Variants in TMEM132C observed in about 807,000 individuals in gnomAD.
TMEM132C encodes transmembrane protein 132C.
TMEM132C carries 29 observed loss-of-function variants against 61.4 expected under a neutral mutation model. That is an observed-to-expected ratio of 0.47 (90% CI 0.35 to 0.64). The LOEUF (loss-of-function observed/expected upper bound fraction) is 0.64, where lower values mean the gene tolerates loss of function less well. Ranked by LOEUF, TMEM132C falls within the 30% of genes least tolerant of loss-of-function variation. The pLI is 0.00. For synonymous variants in TMEM132C, 656 were observed against 633.1 expected (o/e 1.04, Z -0.54); for missense variants, 1,408 against 1,476.9 (o/e 0.95, Z 0.76).
At chr12:128,429,284 C>T (rs143156510) in intron 2 of TMEM132C, among the ~76,000 whole-genome samples, 1 of 152,264 alleles carries the variant, frequency 6.6e-6, no homozygotes, top group East Asian at 1.9e-4. Flanking sequence ...GCAAGACAGC[C>T]TCCCCACTAA....
intron 3 of TMEM132C, among the ~76,000 whole-genome samples, chr12:128,564,156 T>A (rs139165637): frequency 5.9e-5 from 9 of 152,298 alleles, no homozygotes; most frequent in African/African-American, 2.2e-4. Context: ...TATCTCCTCA[T>A]AAGGACGTGA....
chr12:128,638,986 G>GA lies in TMEM132C; in HGVS notation c.1305+22651_1305+22652insA, dbSNP rs1297286051. ...GATGGTGGTGATGGTGATGATGGTG[G>GA]TGATGGTGATGGTGGTGATGATGAT... On this transcript the variant is annotated intron_variant, in intron 4 of 8. Transcript: ENST00000435159. 2.1e-3 allele frequency among the ~76,000 whole-genome samples: 169 copies of GA among 81,500 alleles called. 1 individual carries two copies. Among genetic ancestry groups the GA allele is most frequent in the African/African-American group, 7.1e-3 (159 of 22,262 alleles). The allele number at this position is 81,500 out of a possible 152,430, so 53.5% of individuals were successfully genotyped here. A position where few individuals can be genotyped will look rare whatever the true frequency, so the allele number is the denominator to read the frequency against.
intron 1 of TMEM132C, among the ~76,000 whole-genome samples, chr12:128,319,939 G>C (rs1411471426): frequency 6.6e-6 from 1 of 152,064 alleles, no homozygotes; most frequent in East Asian, 1.9e-4. Flanking sequence ...TGAGATCTTG[G>C]ACATTTCCAG....
intron 2 of TMEM132C, among the ~76,000 whole-genome samples, chr12:128,482,305 G>C (rs903597778): frequency 6.6e-6 from 1 of 152,158 alleles, no homozygotes; most frequent in Non-Finnish European, 1.5e-5. Context: ...GAAAGCACTG[G>C]GGAATTCTAA....
At chr12:128,592,217 G>T (rs1482876506) in intron 3 of TMEM132C, among the ~76,000 whole-genome samples, 2 of 152,176 alleles carry the variant, frequency 1.3e-5, no homozygotes, top group African/African-American at 4.8e-5. Flanking sequence ...CGGAGGCTGC[G>T]CCTAAGGTCA....
chr12:128,441,383 C>G (rs1417544959), intron 2 of TMEM132C, among the ~76,000 whole-genome samples: 5 of 152,226 alleles, frequency 3.3e-5, no homozygotes. Context: ...TTCATTTCCC[C>G]TCAAGTCATA....
At chr12:128,605,481 C>T (rs930484266) in intron 3 of TMEM132C, among the ~76,000 whole-genome samples, 2 of 152,122 alleles carry the variant, frequency 1.3e-5, no homozygotes, top group Non-Finnish European at 2.9e-5. Context: ...CCAGAAACAC[C>T]CTCACAGATA....
intron 1 of TMEM132C, among the ~76,000 whole-genome samples, chr12:128,342,285 A>T (rs989914193): frequency 6.6e-6 from 1 of 151,982 alleles, no homozygotes; most frequent in African/African-American, 2.4e-5. Flanking sequence ...GGGATTACAG[A>T]TGTGAGCCAC....
intron 5 of TMEM132C, among the ~76,000 whole-genome samples, chr12:128,680,120 G>A (rs753749311): frequency 2.4e-4 from 36 of 152,202 alleles, no homozygotes; most frequent in Non-Finnish European, 4.3e-4. Context: ...GGGCCAGGTC[G>A]TCCAAGGCCT....
chr12:128,565,928 C>T (rs113582089), intron 3 of TMEM132C, among the ~76,000 whole-genome samples: 2 of 151,918 alleles, frequency 1.3e-5, no homozygotes, highest in African/African-American at 4.8e-5. Context: ...CTTACTCTGT[C>T]ACCCAGGCTG....
At chr12:128,535,034 G>A (rs12296591) in intron 2 of TMEM132C, among the ~76,000 whole-genome samples, 25,604 of 152,216 alleles carry the variant, frequency 0.17, 6,269 homozygotes, top group African/African-American at 0.53. Context: ...AGTAGAAGGT[G>A]TCCATGCTAT....
intron 3 of TMEM132C, among the ~76,000 whole-genome samples, chr12:128,608,856 A>G (rs1876516964): frequency 6.6e-6 from 1 of 152,208 alleles, no homozygotes. Context: ...GGTTTCTTCC[A>G]TAAGGATTGC....
At chr12:128,492,717 ATTTG>A (rs1271365130) in intron 2 of TMEM132C, among the ~76,000 whole-genome samples, 2 of 152,014 alleles carry the variant, frequency 1.3e-5, no homozygotes, top group Non-Finnish European at 2.9e-5. Flanking sequence ...TTTCTTGTAA[ATTTG>A]TTTGAGTTCT....
intron 8 of TMEM132C, among the ~76,000 whole-genome samples, chr12:128,699,426 A>G (rs1387933714): frequency 1.3e-5 from 2 of 152,178 alleles, no homozygotes. Context: ...CAGAATCCAG[A>G]TCTTTGCAGT....
rs865788319 is a variant in TMEM132C at position 128,495,416 on chromosome 12, G to A, written c.975-48541G>A. 1.4e-3 allele frequency among the ~76,000 whole-genome samples: 213 copies of A among 152,218 alleles called. 1 individual carries two copies. The highest frequency in any genetic ancestry group is 6.8e-3 in the Middle Eastern group (2 of 294). Reference sequence around the variant, plus strand: ...TGTTAACTTTCTGTCTCATTGATCTGTCTAATGTTGACAGTGGGGTGTTGA... The same window carrying A: ...TGTTAACTTTCTGTCTCATTGATCTATCTAATGTTGACAGTGGGGTGTTGA... On this transcript the variant is annotated intron_variant, in intron 2 of 8. Coordinates refer to ENST00000435159, the MANE Select transcript of TMEM132C (RefSeq NM_001136103.3).
intron 3 of TMEM132C, among the ~76,000 whole-genome samples, chr12:128,572,322 CTG>C (rs1446268221): frequency 6.8e-6 from 1 of 146,326 alleles, no homozygotes; most frequent in East Asian, 1.9e-4. Flanking sequence ...TTGGCCAGAC[CTG>C]TGTCACATGC....
intron 1 of TMEM132C, among the ~76,000 whole-genome samples, chr12:128,334,706 C>T (rs371267063): frequency 4.8e-4 from 73 of 152,082 alleles, no homozygotes; most frequent in Admixed American, 5.2e-4. Flanking sequence ...TGCCATTCTC[C>T]GGCCTCAGCC....
At chr12:128,654,068 C>G (rs1002458362) in intron 4 of TMEM132C, among the ~76,000 whole-genome samples, 6 of 152,182 alleles carry the variant, frequency 3.9e-5, no homozygotes, top group Non-Finnish European at 8.8e-5. Flanking sequence ...AATAAAGAGA[C>G]ATTGTTGCAG....
At chr12:128,488,209 A>C (rs1871570188) in intron 2 of TMEM132C, among the ~76,000 whole-genome samples, 1 of 152,214 alleles carries the variant, frequency 6.6e-6, no homozygotes, top group South Asian at 2.1e-4. Flanking sequence ...GCTAGTTGTT[A>C]ATGTGAACAG....
Sources: gnomAD v4.1 joint callset for allele counts (sites outside exome capture counted in the v4.1 genomes callset) on GRCh38, gnomAD v4.1.1 for gene constraint, MANE v1.5 for transcripts, NCBI Gene and HGNC (gene_info 2026-07-23, HGNC 2026-07-21) for gene names.